The following GABRG3 variants were observed in gnomAD, a reference collection of about 807,000 sequenced individuals.
GABRG3 encodes the protein gamma-aminobutyric acid receptor subunit gamma-3.
Under a neutral mutation model 48.8 loss-of-function variants are expected in GABRG3, and 25 were observed. The ratio of observed to expected loss-of-function variants is 0.51; its 90% confidence interval spans 0.37 to 0.72. The LOEUF (loss-of-function observed/expected upper bound fraction) is 0.72, where lower values mean the gene tolerates loss of function less well. Ranked by LOEUF, GABRG3 falls within the 30% of genes least tolerant of loss-of-function variation. The pLI is 0.00. For missense variants in GABRG3, 394 were observed against 577.9 expected, an observed-to-expected ratio of 0.68 and a Z score of 3.26; for synonymous variants, 227 against 217.6, an observed-to-expected ratio of 1.04 and a Z score of -0.38.
intron 3 of GABRG3, among the ~76,000 whole-genome samples, chr15:27,242,994 A>G (rs1175316025): frequency 2.0e-5 from 3 of 152,334 alleles, no homozygotes; most frequent in Middle Eastern, 3.4e-3. Context: ...ATCCATTAGT[A>G]AGAGACAGTG....
intron 3 of GABRG3, among the ~76,000 whole-genome samples, chr15:27,089,689 T>A (rs904239335): frequency 1.3e-5 from 2 of 152,068 alleles, no homozygotes; most frequent in African/African-American, 4.8e-5. Context: ...AAGGCTGTGG[T>A]CATGCGAAGG....
intron 3 of GABRG3, among the ~76,000 whole-genome samples, chr15:27,121,344 C>T (rs1346007412): frequency 6.6e-6 from 1 of 152,178 alleles, no homozygotes; most frequent in Non-Finnish European, 1.5e-5. Context: ...TTGGAGAGTG[C>T]TCACATTCGT....
intron 3 of GABRG3, among the ~76,000 whole-genome samples, chr15:27,156,019 G>A (rs896258077): frequency 1.6e-4 from 24 of 152,058 alleles, no homozygotes; most frequent in Admixed American, 1.3e-3. Context: ...TTCTGTCGTG[G>A]CCAGGCACAG....
At chr15:26,972,413 A>G (rs905723077) in intron 1 of GABRG3, among the ~76,000 whole-genome samples, 2 of 152,154 alleles carry the variant, frequency 1.3e-5, no homozygotes, top group South Asian at 4.1e-4. Context: ...TGTAAACACA[A>G]CTGGAGATTC....
rs954804662 is a variant in GABRG3, at chr15:27,352,642, C to G, written c.574+23754C>G. On this transcript the variant is annotated intron_variant, in intron 5 of 9. Transcript: ENST00000615808. This position sits in a 1 kb window ranked among gnomAD's most constrained non-coding sequence, Gnocchi z 4.0. ...GCCCCGGGGAGGCAGGCCAAGGAAG[C>G]CCCCTGCCAAGGCAGCAGCCACATA... Among the ~76,000 whole-genome samples the G allele has an allele frequency of 8.5e-5, 13 of 152,084 alleles. No homozygotes were observed. Among genetic ancestry groups the G allele is most frequent in the African/African-American group, 2.7e-4 (11 of 41,402 alleles).
chr15:26,972,899 A>AGTTG, intron 1 of GABRG3, among the ~76,000 whole-genome samples: 1 of 152,186 alleles, frequency 6.6e-6, no homozygotes, highest in African/African-American at 2.4e-5. Flanking sequence ...TCTTTCAAAG[A>AGTTG]GACAGAGCAC....
rs1399019938 is a variant in GABRG3 at position 27,523,184 on chromosome 15, A to T, written c.865+3060A>T. Among the ~76,000 whole-genome samples, 5 of 152,038 alleles carry T rather than the reference A, an allele frequency of 3.3e-5. No individual in the cohort carries two copies. In the East Asian group the frequency reaches 7.7e-4, roughly 23 times the overall value. On this transcript the variant is annotated intron_variant, in intron 7 of 9. Transcript: ENST00000615808. ...TAAAGATTTCTCAGACCAGAAAGTGAATCTTAGGTGAGGAAAACTTTAAAA... is the reference window on the plus strand; with the variant it reads ...TAAAGATTTCTCAGACCAGAAAGTGTATCTTAGGTGAGGAAAACTTTAAAA...
At chr15:27,265,357 C>T (rs1890884804) in intron 3 of GABRG3, among the ~76,000 whole-genome samples, 1 of 152,188 alleles carries the variant, frequency 6.6e-6, no homozygotes, top group Non-Finnish European at 1.5e-5. Context: ...GTTCTAAATA[C>T]TCTCATAACA....
chr15:27,118,876 T>C (rs1287873788), intron 3 of GABRG3, among the ~76,000 whole-genome samples: 1 of 152,208 alleles, frequency 6.6e-6, no homozygotes, highest in Non-Finnish European at 1.5e-5. Flanking sequence ...ATACACCAAA[T>C]GTTGCAACCT....
At chr15:27,064,491 C>T (rs569267714) in intron 3 of GABRG3, among the ~76,000 whole-genome samples, 5 of 152,258 alleles carry the variant, frequency 3.3e-5, no homozygotes, top group African/African-American at 1.2e-4. Context: ...GGCTTTCTGG[C>T]CTTTGTCTGG....
At chr15:27,464,286 A>C (rs1234257346) in intron 5 of GABRG3, among the ~76,000 whole-genome samples, 1 of 152,136 alleles carries the variant, frequency 6.6e-6, no homozygotes, top group Non-Finnish European at 1.5e-5. Flanking sequence ...TCCCAGTCCC[A>C]GGCAACCACT....
intron 5 of GABRG3, among the ~76,000 whole-genome samples, chr15:27,440,842 A>C (rs1888762063): frequency 6.6e-6 from 1 of 152,216 alleles, no homozygotes; most frequent in Non-Finnish European, 1.5e-5. Flanking sequence ...TCCATTACTG[A>C]AAGCTGTCCT....
In GABRG3 at chr15:27,179,078, G is replaced by A. The variant is rs1315300577; in HGVS notation, c.271-147731G>A. ...TCAGAGGAAAACTTTTCTTTTTGGG[G>A]CCTTCATTTTGGGTTATAGTTTTCT... On this transcript the variant is annotated intron_variant, in intron 3 of 9. Coordinates refer to ENST00000615808, the MANE Select transcript of GABRG3 (RefSeq NM_033223.5). The surrounding 1 kb of genome is among the most constrained non-coding windows in gnomAD (Gnocchi z 4.0). Among the ~76,000 whole-genome samples the A allele has an allele frequency of 6.6e-6, 1 of 152,108 alleles. No individual in the cohort carries two copies. Among genetic ancestry groups the A allele is most frequent in the African/African-American group, 2.4e-5 (1 of 41,410 alleles).
At chr15:27,030,695 A>ACACT (rs1227807151) in intron 3 of GABRG3, among the ~76,000 whole-genome samples, 3 of 82,288 alleles carry the variant, frequency 3.6e-5, no homozygotes, top group Non-Finnish European at 5.1e-5. Flanking sequence ...CAATGTTCTG[A>ACACT]CACTCTGTGC....
chr15:27,380,226 C>G (rs779164951), intron 5 of GABRG3, among the ~76,000 whole-genome samples: 4 of 152,146 alleles, frequency 2.6e-5, no homozygotes, highest in Non-Finnish European at 5.9e-5. Context: ...CTAGCCTTTC[C>G]TTTTAATCCT....
At chr15:27,426,771 G>T (rs534348293) in intron 5 of GABRG3, among the ~76,000 whole-genome samples, 1 of 152,320 alleles carries the variant, frequency 6.6e-6, no homozygotes, top group East Asian at 1.9e-4. Context: ...CTGTAGTGAG[G>T]TATGATGCTG....
At chr15:27,285,762 G>C (rs965265752) in intron 3 of GABRG3, among the ~76,000 whole-genome samples, 1 of 152,128 alleles carries the variant, frequency 6.6e-6, no homozygotes, top group Non-Finnish European at 1.5e-5. Flanking sequence ...TAAGGCCTAT[G>C]GTGGGGAAAT....
At chr15:27,197,684 T>C (rs1888539793) in intron 3 of GABRG3, among the ~76,000 whole-genome samples, 1 of 152,172 alleles carries the variant, frequency 6.6e-6, no homozygotes. Flanking sequence ...GAAGGAATGG[T>C]ACCAGCTCCT....
At chr15:27,106,939 G>A (rs1897460209) in intron 3 of GABRG3, among the ~76,000 whole-genome samples, 1 of 151,966 alleles carries the variant, frequency 6.6e-6, no homozygotes, top group Admixed American at 6.6e-5. Flanking sequence ...GTCTGCCAAG[G>A]AAATATCCTG....
Sources: allele counts gnomAD v4.1 joint callset (sites outside exome capture counted in the v4.1 genomes callset), GRCh38; gene constraint gnomAD v4.1.1; non-coding constraint Gnocchi (gnomAD v3.1); transcripts MANE v1.5; gene names NCBI Gene and HGNC (gene_info 2026-07-23, HGNC 2026-07-21).